DAPK1: variants seen among roughly 807,000 people sequenced by gnomAD.
DAPK1 encodes death-associated protein kinase 1.
In DAPK1, 56 loss-of-function variants were observed where a neutral mutation model predicts 144.9. The observed-to-expected ratio is 0.39, with a 90% confidence interval of 0.31 to 0.48. The LOEUF (loss-of-function observed/expected upper bound fraction) is 0.48, where lower values mean the gene tolerates loss of function less well. Among genes scored for constraint, DAPK1 ranks in the 20% least tolerant of loss-of-function variants. DAPK1 has a pLI of 0.95. For synonymous variants in DAPK1, 690 were observed against 749.0 expected (o/e 0.92, Z 1.29); for missense variants, 1,454 against 1,875.4 (o/e 0.78, Z 4.15).
At chr9:87,568,678 G>C (rs565891218) in intron 2 of DAPK1, among the ~76,000 whole-genome samples, 4 of 152,240 alleles carry the variant, frequency 2.6e-5, no homozygotes, top group African/African-American at 9.6e-5. Flanking sequence ...GATATGGAAG[G>C]GGAAGGCTGT....
rs1158239894 is a variant in DAPK1 at position 87,686,966 on chromosome 9, A to G, written c.2413+227A>G. 5.7e-6 allele frequency: 2 copies of G among 351,964 alleles called. No individual in the cohort carries two copies. The highest frequency in any genetic ancestry group is 8.0e-6 in the Non-Finnish European group (2 of 250,948). The allele number at this position is 351,964 out of a possible 1,614,324, so 21.8% of individuals were successfully genotyped here. On this transcript the variant is annotated intron_variant, in intron 21 of 25. Coordinates refer to ENST00000408954, the MANE Select transcript of DAPK1 (RefSeq NM_004938.4). The surrounding 1 kb of genome is among the most constrained non-coding windows in gnomAD (Gnocchi z 4.2). ...CAGCGCCTAGTAAAGCACTTGGCATACAGTAAGTGCTTGATAAATGACTGT... is the reference window on the plus strand; with the variant it reads ...CAGCGCCTAGTAAAGCACTTGGCATGCAGTAAGTGCTTGATAAATGACTGT...
intron 3 of DAPK1, among the ~76,000 whole-genome samples, chr9:87,613,136 G>A (rs1368924318): frequency 6.6e-6 from 1 of 152,184 alleles, no homozygotes; most frequent in African/African-American, 2.4e-5. Context: ...TGCTATGGTT[G>A]TAGCCAAGTG....
intron 3 of DAPK1, among the ~76,000 whole-genome samples, chr9:87,612,885 G>T (rs1417098867): frequency 6.6e-6 from 1 of 152,154 alleles, no homozygotes; most frequent in East Asian, 1.9e-4. Context: ...AGTAGCTCTG[G>T]ATCACATGTC....
intron 2 of DAPK1, among the ~76,000 whole-genome samples, chr9:87,516,100 T>TG (rs1185757411): frequency 6.6e-6 from 1 of 152,170 alleles, no homozygotes; most frequent in Non-Finnish European, 1.5e-5. Context: ...TGTGGCCTCT[T>TG]GCTGTTTTAT....
Position 87,686,818 on chromosome 9 carries a change from T to G in DAPK1, c.2413+79T>G. 1 of 1,395,894 alleles carries G rather than the reference T, an allele frequency of 7.2e-7. No individual in the cohort carries two copies. The highest frequency in any genetic ancestry group is 9.8e-7 in the Non-Finnish European group (1 of 1,024,048). The allele number at this position is 1,395,894 out of a possible 1,614,324, so 86.5% of individuals were successfully genotyped here. A position where few individuals can be genotyped will look rare whatever the true frequency, so the allele number is the denominator to read the frequency against. ...GTAAGTCATCCCTAAAGGGAGCTTG[T>G]CCTGAGCTGTATCTGTCACTTCCAG... On this transcript the variant is annotated intron_variant, in intron 21 of 25. Coordinates refer to ENST00000408954, the MANE Select transcript of DAPK1 (RefSeq NM_004938.4). The surrounding 1 kb of genome is among the most constrained non-coding windows in gnomAD (Gnocchi z 4.2).
At chr9:87,641,757 C>T (rs1378513296) in intron 9 of DAPK1, among the ~76,000 whole-genome samples, 1 of 152,146 alleles carries the variant, frequency 6.6e-6, no homozygotes. Flanking sequence ...TACTTCTCCC[C>T]AGTGTCCATG....
chr9:87,635,317 A>G (rs1293870594), intron 3 of DAPK1, among the ~76,000 whole-genome samples: 2 of 152,028 alleles, frequency 1.3e-5, no homozygotes, highest in African/African-American at 4.8e-5. Flanking sequence ...ATTCACCCCA[A>G]CCAGGCAGCC....
chr9:87,591,383 A>ATCT (rs1263986314), intron 2 of DAPK1, among the ~76,000 whole-genome samples: 2 of 152,248 alleles, frequency 1.3e-5, no homozygotes, highest in East Asian at 3.8e-4. Flanking sequence ...AATGATGGAC[A>ATCT]TCTTGCATGA....
At chr9:87,520,136 G>A (rs998625886) in intron 2 of DAPK1, among the ~76,000 whole-genome samples, 1 of 152,172 alleles carries the variant, frequency 6.6e-6, no homozygotes, top group Non-Finnish European at 1.5e-5. Context: ...GGTGTATCAT[G>A]TGTTCTAATA....
intron 2 of DAPK1, among the ~76,000 whole-genome samples, chr9:87,511,370 C>G (rs11141857): frequency 0.23 from 34,558 of 152,126 alleles, 4,316 homozygotes; most frequent in East Asian, 0.42. Flanking sequence ...GGCTGCTGAA[C>G]GCAGAGCTTC....
chr9:87,640,994 T>G, intron 9 of DAPK1, 147 bp downstream of exon 9: 1 of 806,924 alleles, frequency 1.2e-6, no homozygotes, highest in Non-Finnish European at 2.1e-6. Flanking sequence ...TAAGAAAAGC[T>G]GACAGGTTAG....
intron 2 of DAPK1, among the ~76,000 whole-genome samples, chr9:87,515,392 A>G (rs2118159626): frequency 6.6e-6 from 1 of 152,342 alleles, no homozygotes; most frequent in Middle Eastern, 3.4e-3. Flanking sequence ...AGGCTTAAAG[A>G]GATTAAATAA....
At chr9:87,641,028 G>A (rs950704835) in intron 9 of DAPK1, among the ~76,000 whole-genome samples, 181 bp downstream of exon 9, 5 of 152,208 alleles carry the variant, frequency 3.3e-5, no homozygotes, top group Non-Finnish European at 7.3e-5. Context: ...GATCCCAGAG[G>A]TGGGGAGAGA....
intron 18 of DAPK1, among the ~76,000 whole-genome samples, chr9:87,661,689 T>C (rs1258701463): frequency 6.6e-6 from 1 of 152,232 alleles, no homozygotes; most frequent in African/African-American, 2.4e-5. Context: ...TTGTTGTTCT[T>C]GTTGAGTTGT....
At chr9:87,615,204 A>G (rs994250201) in intron 3 of DAPK1, among the ~76,000 whole-genome samples, 3 of 152,176 alleles carry the variant, frequency 2.0e-5, no homozygotes, top group African/African-American at 4.8e-5. Context: ...CCTAATTTGT[A>G]TTTCCAGATA....
At chr9:87,692,857 C>T (rs1287284009) in intron 21 of DAPK1, among the ~76,000 whole-genome samples, 1 of 137,110 alleles carries the variant, frequency 7.3e-6, no homozygotes, top group Non-Finnish European at 1.5e-5. Context: ...TCTTTCAGTT[C>T]TTTGAATATA....
In DAPK1 at chr9:87,686,316, G is replaced by A. The variant is rs1233324524; in HGVS notation, c.2225-235G>A. ...ACAATCCCTAGGACCAGCCACCCGG[G>A]CAACAGGGCGGGGCAGAAAAGGTTG... On this transcript the variant is annotated intron_variant, in intron 20 of 25. Transcript: ENST00000408954. The surrounding 1 kb of genome is among the most constrained non-coding windows in gnomAD (Gnocchi z 4.2). 6.6e-6 allele frequency among the ~76,000 whole-genome samples: 1 copy of A among 152,150 alleles called. No homozygotes were observed. The highest frequency in any genetic ancestry group is 1.5e-5 in the Non-Finnish European group (1 of 68,024).
At chr9:87,687,006 A>G (rs538645623) in intron 21 of DAPK1, 1 of 175,446 alleles carries the variant, frequency 5.7e-6, no homozygotes, top group South Asian at 1.9e-4. Context: ...TAAATTAATA[A>G]TATTTGTACA....
At chr9:87,673,027 T>A (rs1470173196) in intron 19 of DAPK1, among the ~76,000 whole-genome samples, 1 of 152,174 alleles carries the variant, frequency 6.6e-6, no homozygotes, top group African/African-American at 2.4e-5. Flanking sequence ...TCCATGTCAT[T>A]TCTCCTTGAT....
Sources: allele counts gnomAD v4.1 joint callset (sites outside exome capture counted in the v4.1 genomes callset), GRCh38; gene constraint gnomAD v4.1.1; non-coding constraint Gnocchi (gnomAD v3.1); transcripts MANE v1.5; gene names NCBI Gene and HGNC (gene_info 2026-07-23, HGNC 2026-07-21).